The following DLGAP2 variants were observed in gnomAD, a reference collection of about 807,000 sequenced individuals.
The protein encoded by DLGAP2 is DLG associated protein 2, also known as disks large-associated protein 2.
A neutral mutation model predicts 100.3 loss-of-function variants in DLGAP2; 26 were observed. The ratio of observed to expected loss-of-function variants is 0.26; its 90% CI spans 0.19 to 0.36. The LOEUF is 0.36. Ranked by LOEUF, DLGAP2 falls within the 10% of genes least tolerant of loss-of-function variation. The pLI, the probability that DLGAP2 is intolerant of heterozygous loss-of-function variation, is 1.00. For missense variants in DLGAP2, 1,858 were observed against 1,453.2 expected (o/e 1.28, Z -4.53); for synonymous variants, 886 against 630.1 (o/e 1.41, Z -6.08).
chr8:1,141,556 C>G (rs1424879449), intron 2 of DLGAP2, among the ~76,000 whole-genome samples: 1 of 152,064 alleles, frequency 6.6e-6, no homozygotes, highest in Non-Finnish European at 1.5e-5. Flanking sequence ...TTAATGGGAA[C>G]TCAGACAGCC....
intron 2 of DLGAP2, among the ~76,000 whole-genome samples, chr8:1,099,709 C>T (rs1453048643): frequency 1.3e-5 from 2 of 152,206 alleles, no homozygotes; most frequent in East Asian, 1.9e-4. Flanking sequence ...GGTTTACTTA[C>T]TAAAAGTAGC....
At chr8:1,177,855 C>G (rs1797294985) in intron 2 of DLGAP2, among the ~76,000 whole-genome samples, 1 of 152,170 alleles carries the variant, frequency 6.6e-6, no homozygotes, top group South Asian at 2.1e-4. Flanking sequence ...GGCCCCACCT[C>G]ATAATACCAC....
At chr8:963,630 A>G (rs538127848) in intron 2 of DLGAP2, among the ~76,000 whole-genome samples, 1 of 152,338 alleles carries the variant, frequency 6.6e-6, no homozygotes, top group South Asian at 2.1e-4. Context: ...GGAAATTGAG[A>G]CAGTAAAAAC....
intron 2 of DLGAP2, among the ~76,000 whole-genome samples, chr8:950,576 C>T (rs149414025): frequency 4.0e-5 from 6 of 151,634 alleles, no homozygotes; most frequent in African/African-American, 1.5e-4. Context: ...TTACTTCTCA[C>T]CTTTCCTTGT....
chr8:1,683,436 T>G (rs1463664581), intron 12 of DLGAP2, among the ~76,000 whole-genome samples: 1 of 151,500 alleles, frequency 6.6e-6, no homozygotes, highest in Non-Finnish European at 1.5e-5. Flanking sequence ...CTGTGCTACC[T>G]GACCTCACAG....
intron 1 of DLGAP2, among the ~76,000 whole-genome samples, chr8:825,369 T>A (rs1163795019): frequency 1.3e-5 from 2 of 152,136 alleles, no homozygotes; most frequent in Non-Finnish European, 2.9e-5. Flanking sequence ...ATCAGAGAGT[T>A]CTCTGTTGTG....
In DLGAP2 at chr8:1,449,887, A is replaced by T. The variant is rs796066650; in HGVS notation, c.107-51479A>T. Among the ~76,000 whole-genome samples, 316 of 69,270 alleles carry T rather than the reference A, an allele frequency of 4.6e-3. 7 individuals carry two copies. The highest frequency in any genetic ancestry group is 6.9e-3 in the Non-Finnish European group (236 of 34,272). The allele number at this position is 69,270 out of a possible 152,430, so 45.4% of individuals were successfully genotyped here. A position where few individuals can be genotyped will look rare whatever the true frequency, so the allele number is the denominator to read the frequency against. ...ACGAGGTGGGCGGCCTCGGTGGCTG[A>T]GGCGGAGCTGTGAGGGTGAAGACGA... On this transcript the variant is annotated intron_variant, in intron 3 of 14. Coordinates refer to ENST00000637795, the MANE Select transcript of DLGAP2 (RefSeq NM_001346810.2).
intron 2 of DLGAP2, among the ~76,000 whole-genome samples, chr8:1,157,371 C>T (rs1387126093): frequency 2.0e-5 from 3 of 152,158 alleles, no homozygotes; most frequent in African/African-American, 7.2e-5. Context: ...TTCGAGTCCT[C>T]TTGAGAACTT....
intron 3 of DLGAP2, among the ~76,000 whole-genome samples, chr8:1,496,395 T>G (rs1464486662): frequency 6.6e-6 from 1 of 152,178 alleles, no homozygotes; most frequent in East Asian, 1.9e-4. Flanking sequence ...TCTCTGGTGC[T>G]GATTTCCTCA....
At chr8:1,447,216 A>G (rs1230927505) in intron 3 of DLGAP2, among the ~76,000 whole-genome samples, 1 of 152,204 alleles carries the variant, frequency 6.6e-6, no homozygotes, top group Non-Finnish European at 1.5e-5. Context: ...TCAGTATAAT[A>G]TTGCCTGTGG....
chr8:1,332,104 C>T (rs930715619), intron 3 of DLGAP2, among the ~76,000 whole-genome samples: 1 of 152,204 alleles, frequency 6.6e-6, no homozygotes, highest in Non-Finnish European at 1.5e-5. Context: ...CCCCAACAGC[C>T]ACCTTCCTTT....
intron 2 of DLGAP2, among the ~76,000 whole-genome samples, chr8:1,068,766 GC>G (rs1450326172): frequency 6.6e-6 from 1 of 152,172 alleles, no homozygotes; most frequent in Non-Finnish European, 1.5e-5. Context: ...GGGGTCATGG[GC>G]CCCTCCCCAA....
At chr8:763,021 T>G (rs1821126095) in intron 1 of DLGAP2, among the ~76,000 whole-genome samples, 1 of 151,878 alleles carries the variant, frequency 6.6e-6, no homozygotes, top group Non-Finnish European at 1.5e-5. Flanking sequence ...GAGTAGGAAT[T>G]AAGTCACTTG....
intron 2 of DLGAP2, among the ~76,000 whole-genome samples, chr8:1,176,910 C>T (rs1797272111): frequency 6.6e-6 from 1 of 152,116 alleles, no homozygotes; most frequent in Admixed American, 6.5e-5. Context: ...ACAGGACCTG[C>T]CTTTCATGCC....
At chr8:905,015 A>T (rs1200841710) in intron 1 of DLGAP2, among the ~76,000 whole-genome samples, 1 of 152,206 alleles carries the variant, frequency 6.6e-6, no homozygotes, top group Non-Finnish European at 1.5e-5. Flanking sequence ...GTCTGGATTT[A>T]ATGCACTATC....
chr8:936,456 G>A (rs1427043260), intron 2 of DLGAP2, among the ~76,000 whole-genome samples: 2 of 152,204 alleles, frequency 1.3e-5, no homozygotes, highest in African/African-American at 4.8e-5. Flanking sequence ...AGGGAGGAAG[G>A]GAAGCCCAGC....
intron 2 of DLGAP2, among the ~76,000 whole-genome samples, chr8:978,839 T>C (rs1243848579): frequency 6.6e-6 from 1 of 152,178 alleles, no homozygotes; most frequent in African/African-American, 2.4e-5. Flanking sequence ...CCAGGTTTCT[T>C]TACACATTCC....
chr8:1,443,248 G>A (rs1015486546), intron 3 of DLGAP2, among the ~76,000 whole-genome samples: 4 of 152,038 alleles, frequency 2.6e-5, no homozygotes, highest in Admixed American at 6.6e-5. Flanking sequence ...ACAGATAATC[G>A]CAGGTAACAT....
At chr8:1,085,467 C>T (rs549653100) in intron 2 of DLGAP2, among the ~76,000 whole-genome samples, 10 of 152,254 alleles carry the variant, frequency 6.6e-5, no homozygotes, top group South Asian at 2.1e-4. Context: ...CCTAAGTTTT[C>T]CTCTAGTAGT....
Sources: gnomAD v4.1 joint callset for allele counts (sites outside exome capture counted in the v4.1 genomes callset) on GRCh38, gnomAD v4.1.1 for gene constraint, MANE v1.5 for transcripts, NCBI Gene and HGNC (gene_info 2026-07-23, HGNC 2026-07-21) for gene names.